Variants in PTPRZ1 observed in about 807,000 individuals in gnomAD.
PTPRZ1 encodes the protein receptor-type tyrosine-protein phosphatase zeta.
PTPRZ1 carries 82 observed loss-of-function variants against 214.1 expected under a neutral mutation model. The observed-to-expected ratio is 0.38, with a 90% CI of 0.32 to 0.46. PTPRZ1 has a LOEUF of 0.46. Among genes scored for constraint, PTPRZ1 ranks in the 20% least tolerant of loss-of-function variants. The probability of loss-of-function intolerance (pLI) is 1.00; values close to 1 mark genes in which losing one functional copy is unlikely to be tolerated. For synonymous variants in PTPRZ1, 945 were observed against 987.9 expected (o/e 0.96, Z 0.81); for missense variants, 2,603 against 2,748.7 (o/e 0.95, Z 1.19).
chr7:121,899,664 T>C (rs1395573646), intron 1 of PTPRZ1, among the ~76,000 whole-genome samples: 1 of 152,144 alleles, frequency 6.6e-6, no homozygotes, highest in African/African-American at 2.4e-5. Flanking sequence ...GCCCTAGACC[T>C]GGGGAAAGGA....
intron 8 of PTPRZ1, among the ~76,000 whole-genome samples, chr7:121,987,922 G>A (rs1000957125): frequency 1.3e-5 from 2 of 152,168 alleles, no homozygotes; most frequent in Non-Finnish European, 2.9e-5. Context: ...TGCAGGGACA[G>A]AAAACCAAGT....
chr7:121,943,740 T>G (rs1381577631), intron 2 of PTPRZ1, among the ~76,000 whole-genome samples: 3 of 152,198 alleles, frequency 2.0e-5, no homozygotes, highest in Non-Finnish European at 4.4e-5. Flanking sequence ...TTTCAGAGTT[T>G]CTGATTCAGT....
chr7:122,044,210 T>G (rs1799812708), intron 22 of PTPRZ1, among the ~76,000 whole-genome samples: 1 of 152,164 alleles, frequency 6.6e-6, no homozygotes, highest in African/African-American at 2.4e-5. Context: ...ACATAATAAA[T>G]GAAGAGGTAA....
At chr7:122,021,718 C>T (rs764077601) in intron 13 of PTPRZ1, among the ~76,000 whole-genome samples, 4 of 151,190 alleles carry the variant, frequency 2.6e-5, no homozygotes, top group African/African-American at 4.9e-5. Context: ...CCAGCCTGGG[C>T]GACAAAGTAA....
chr7:121,880,455 A>G (rs1019520747), intron 1 of PTPRZ1, among the ~76,000 whole-genome samples: 1 of 152,096 alleles, frequency 6.6e-6, no homozygotes, highest in Non-Finnish European at 1.5e-5. Context: ...TTTAGCACTT[A>G]CTGGATAAAT....
intron 2 of PTPRZ1, among the ~76,000 whole-genome samples, chr7:121,953,063 AAAAT>A (rs2116462254): frequency 6.6e-6 from 1 of 152,348 alleles, no homozygotes; most frequent in East Asian, 1.9e-4. Flanking sequence ...CACATTTGAA[AAAAT>A]TATCTCTAAT....
chr7:121,886,215 A>T (rs1319146410), intron 1 of PTPRZ1, among the ~76,000 whole-genome samples: 1 of 152,116 alleles, frequency 6.6e-6, no homozygotes, highest in Non-Finnish European at 1.5e-5. Flanking sequence ...TTACAATTCA[A>T]TATGCCAGAC....
In PTPRZ1 at chr7:121,875,900, C is replaced by T. The variant is rs868819478; in HGVS notation, c.58+2343C>T. The stretch of plus-strand genomic sequence containing the variant: ...CCCCTCATCTTCAGTGTTCTTAGAG[C>T]CAATGAGGTAGCCTGACATATGTAT... On this transcript the variant is annotated intron_variant, in intron 1 of 29. Coordinates refer to ENST00000393386, the MANE Select transcript of PTPRZ1 (RefSeq NM_002851.3). Among the ~76,000 whole-genome samples the T allele has an allele frequency of 1.4e-4, 21 of 152,278 alleles. No homozygotes were observed. In the Middle Eastern group the frequency reaches 0.014, roughly 99 times the overall value.
intron 2 of PTPRZ1, among the ~76,000 whole-genome samples, chr7:121,936,085 T>A (rs1215647377): frequency 2.0e-5 from 3 of 152,240 alleles, no homozygotes; most frequent in African/African-American, 2.4e-5. Context: ...TCCAATTTCA[T>A]GCATCAGTAA....
At chr7:122,022,647 GAA>G (rs565354169) in intron 13 of PTPRZ1, among the ~76,000 whole-genome samples, 97 of 152,220 alleles carry the variant, frequency 6.4e-4, no homozygotes, top group African/African-American at 2.0e-3. Context: ...TTTTAAAGTA[GAA>G]AAGTTTTTAA....
At chr7:122,046,096 C>T (rs1584774809) in intron 23 of PTPRZ1, among the ~76,000 whole-genome samples, 1 of 152,130 alleles carries the variant, frequency 6.6e-6, no homozygotes, top group East Asian at 1.9e-4. Context: ...ACACCCAGCT[C>T]CTAGTCTTAT....
intron 2 of PTPRZ1, among the ~76,000 whole-genome samples, chr7:121,935,922 C>A (rs993603006): frequency 6.6e-6 from 1 of 151,938 alleles, no homozygotes; most frequent in African/African-American, 2.4e-5. Context: ...AGACACATTT[C>A]ATAAAAGAAA....
intron 13 of PTPRZ1, among the ~76,000 whole-genome samples, chr7:122,027,077 A>C (rs1799225236): frequency 6.6e-6 from 1 of 152,258 alleles, no homozygotes. Flanking sequence ...AGAGCAAACA[A>C]AAAGGCAAAG....
chr7:121,909,658 C>T (rs947888830), intron 1 of PTPRZ1, among the ~76,000 whole-genome samples: 1 of 152,042 alleles, frequency 6.6e-6, no homozygotes, highest in African/African-American at 2.4e-5. Context: ...TTGAATACCT[C>T]TAAAATATGA....
intron 8 of PTPRZ1, among the ~76,000 whole-genome samples, chr7:121,988,815 G>T (rs146979544): frequency 3.5e-4 from 54 of 152,310 alleles, no homozygotes; most frequent in African/African-American, 1.3e-3. Flanking sequence ...TTTCCAGACA[G>T]GTTGGAGCCA....
chr7:121,998,619 T>G (rs543585649), intron 10 of PTPRZ1, among the ~76,000 whole-genome samples: 1 of 152,182 alleles, frequency 6.6e-6, no homozygotes, highest in Non-Finnish European at 1.5e-5. Context: ...GAAAATCTTT[T>G]GATCTTAGAG....
rs1238973321 is a variant in PTPRZ1, at chr7:122,012,569, T to G, written c.3523T>G (p.Ser1175Ala). The G allele has an allele frequency of 2.5e-6, 4 of 1,613,560 alleles. No homozygotes were observed. In the South Asian group the frequency reaches 4.4e-5, roughly 18 times the overall value. Residue 1175 changes from serine (S) to alanine (A), a missense_variant, in exon 12 of 30, where the codon TCT becomes GCT. Ser to Ala is a moderately conservative substitution (Grantham distance 99, BLOSUM62 1). This residue lies in a region of PTPRZ1 where 1,913 missense variants were observed against 1,914.3 expected (regional missense o/e 1.00). Transcript: ENST00000393386. ...TQLLFYETSA[S>A]FSTEVLLQPS... ...GCTCTTATTTTATGAGACCTCAGCT[T>G]CTTTTAGTACTGAAGTATTGCTACA...
chr7:122,051,949 A>T lies in PTPRZ1; in HGVS notation c.6252+10A>T. 1 of 1,589,508 alleles carries T rather than the reference A, an allele frequency of 6.3e-7. No homozygotes were observed. The highest frequency in any genetic ancestry group is 8.5e-7 in the Non-Finnish European group (1 of 1,171,918). Reference sequence around the variant, plus strand: ...TGCCTCCTATATCATGGTAAGTCAGAGAAGTCACTGAGGAGACTGCCAGCT... The same window carrying T: ...TGCCTCCTATATCATGGTAAGTCAGTGAAGTCACTGAGGAGACTGCCAGCT... On this transcript the variant is annotated intron_variant, in intron 25 of 29. Transcript: ENST00000393386.
At chr7:121,888,968 A>G (rs970725555) in intron 1 of PTPRZ1, among the ~76,000 whole-genome samples, 1 of 152,154 alleles carries the variant, frequency 6.6e-6, no homozygotes, top group East Asian at 1.9e-4. Context: ...GCAGGACTTA[A>G]TTTGGATAAA....
Sources: allele counts gnomAD v4.1 joint callset (sites outside exome capture counted in the v4.1 genomes callset), GRCh38; gene constraint gnomAD v4.1.1; regional missense constraint gnomAD v4.1.1; transcripts MANE v1.5; gene names NCBI Gene and HGNC (gene_info 2026-07-23, HGNC 2026-07-21).